SLC7A11: variants seen among roughly 807,000 people sequenced by gnomAD.
SLC7A11 encodes solute carrier family 7 member 11, also known as cystine/glutamate transporter.
In SLC7A11, 35 loss-of-function variants were observed where a neutral mutation model predicts 54.5. The ratio of observed to expected loss-of-function variants is 0.64; its 90% CI spans 0.49 to 0.85. The LOEUF (loss-of-function observed/expected upper bound fraction) is 0.85. Among genes scored for constraint, SLC7A11 ranks in the 40% least tolerant of loss-of-function variants. The pLI is 0.00. For synonymous variants in SLC7A11, 230 were observed against 225.2 expected (o/e 1.02, Z -0.19); for missense variants, 583 against 618.1 (o/e 0.94, Z 0.60).
Position 138,165,218 on chromosome 4 carries a change from A to T in SLC7A11, c.*6738T>A, listed in dbSNP as rs1736226444. ...AAATTCAGATATGCTTACAATAAAA[A>T]GACATAAAAGATTCATCCTGAGATG... On this transcript the variant is annotated 3_prime_UTR_variant, in exon 12 of 12. Coordinates refer to ENST00000280612, the MANE Select transcript of SLC7A11 (RefSeq NM_014331.4). 6.5e-6 allele frequency: 1 copy of T among 152,716 alleles called. No homozygotes were observed. The allele number at this position is 152,716 out of a possible 1,614,324, so 9.5% of individuals were successfully genotyped here. A position where few individuals can be genotyped will look rare whatever the true frequency, so the allele number is the denominator to read the frequency against.
At chr4:138,235,744 T>C (rs781057238) in intron 2 of SLC7A11, among the ~76,000 whole-genome samples, 11 of 152,338 alleles carry the variant, frequency 7.2e-5, no homozygotes, top group Admixed American at 2.0e-4. Context: ...AGCAGGAATG[T>C]AAACACATTG....
At chr4:138,214,529 A>T (rs1179824595) in intron 6 of SLC7A11, 56 bp downstream of exon 6, 6 of 1,023,966 alleles carry the variant, frequency 5.9e-6, no homozygotes, top group Non-Finnish European at 8.7e-6. Context: ...TTTTTAAACT[A>T]TGTAATCTTA....
intron 6 of SLC7A11, among the ~76,000 whole-genome samples, chr4:138,211,360 T>C (rs1393967974): frequency 6.6e-6 from 1 of 151,798 alleles, no homozygotes; most frequent in East Asian, 1.9e-4. Context: ...TATATCCATA[T>C]AACAAATAAA....
intron 6 of SLC7A11, among the ~76,000 whole-genome samples, chr4:138,195,368 A>G (rs1737106597): frequency 2.0e-5 from 3 of 152,206 alleles, no homozygotes. Flanking sequence ...CATTGCATTT[A>G]TTAACATTCT....
In SLC7A11 at chr4:138,214,631, T is replaced by C. The variant is rs750988815; in HGVS notation, c.747-2A>G. ...TCAGTAACAAAGTTGAGGTAAAACC[T>C]AAAAATAGATAAATAAATTATAAAC... On this transcript the variant is annotated splice_acceptor_variant, in intron 5 of 11. Transcript: ENST00000280612. LOFTEE classifies it high-confidence loss of function. The C allele has an allele frequency of 1.2e-5, 14 of 1,197,232 alleles. No homozygotes were observed. The highest frequency in any genetic ancestry group is 1.5e-5 in the Non-Finnish European group (13 of 856,420). 74.2% of individuals were successfully genotyped at this position (1,197,232 alleles called of 1,614,324 possible).
chr4:138,199,529 T>C (rs4863772), intron 6 of SLC7A11, among the ~76,000 whole-genome samples: 62,040 of 151,900 alleles, frequency 0.41, 13,598 homozygotes, highest in Middle Eastern at 0.6. Context: ...GTGTCCATTA[T>C]GAGAAATACT....
chr4:138,184,504 G>T (rs1160954454), intron 7 of SLC7A11, among the ~76,000 whole-genome samples: 1 of 152,016 alleles, frequency 6.6e-6, no homozygotes, highest in Non-Finnish European at 1.5e-5. Context: ...AATAAATTTT[G>T]GAAAATGCTA....
chr4:138,236,983 C>CTTTTTTTTT (rs34896335), intron 1 of SLC7A11, among the ~76,000 whole-genome samples: 4 of 111,920 alleles, frequency 3.6e-5, no homozygotes, highest in Non-Finnish European at 5.0e-5. Context: ...TGCAAGATTT[C>CTTTTTTTTT]TTTTTTTTTT....
intron 3 of SLC7A11, among the ~76,000 whole-genome samples, chr4:138,231,811 A>G (rs1385022423): frequency 6.6e-6 from 1 of 152,204 alleles, no homozygotes; most frequent in African/African-American, 2.4e-5. Context: ...CATGACCAAC[A>G]ACAGGCAGCT....
chr4:138,180,434 C>T (rs920053846), intron 10 of SLC7A11, among the ~76,000 whole-genome samples: 2 of 152,024 alleles, frequency 1.3e-5, no homozygotes, highest in African/African-American at 4.8e-5. Context: ...ATACAAAGTT[C>T]AAGCCCATCA....
intron 1 of SLC7A11, among the ~76,000 whole-genome samples, chr4:138,241,155 G>C (rs1738367985): frequency 6.6e-6 from 1 of 152,180 alleles, no homozygotes; most frequent in Admixed American, 6.5e-5. Flanking sequence ...ATTGAGAAGA[G>C]ATGAAAGGTT....
chr4:138,241,113 T>C (rs1031851347), intron 1 of SLC7A11, among the ~76,000 whole-genome samples: 1 of 152,014 alleles, frequency 6.6e-6, no homozygotes, highest in Non-Finnish European at 1.5e-5. Flanking sequence ...CCAACTGAAG[T>C]TTTAAAACTT....
intron 1 of SLC7A11, among the ~76,000 whole-genome samples, chr4:138,237,722 TATATATATATA>T (rs1289258112): frequency 2.9e-4 from 3 of 10,340 alleles, no homozygotes; most frequent in African/African-American, 6.4e-4. Flanking sequence ...TATATATATA[TATATATATATA>T]TATATTTTTT....
intron 3 of SLC7A11, among the ~76,000 whole-genome samples, chr4:138,230,292 A>C (rs966257475): frequency 2.6e-5 from 4 of 152,048 alleles, no homozygotes; most frequent in Admixed American, 6.6e-5. Context: ...AATCAGAAAA[A>C]AATAGCTTGG....
intron 7 of SLC7A11, among the ~76,000 whole-genome samples, chr4:138,184,165 C>T (rs1736818412): frequency 6.6e-6 from 1 of 152,126 alleles, no homozygotes; most frequent in Non-Finnish European, 1.5e-5. Context: ...GATGAGATGA[C>T]TGACCTGACT....
At chr4:138,209,120 A>C (rs1737480389) in intron 6 of SLC7A11, among the ~76,000 whole-genome samples, 1 of 152,030 alleles carries the variant, frequency 6.6e-6, no homozygotes. Flanking sequence ...ACTTACTCTG[A>C]ATTCTATATA....
At chr4:138,179,531 G>T in intron 10 of SLC7A11, 137 bp from the exon 11 acceptor site, 1 of 631,222 alleles carries the variant, frequency 1.6e-6, no homozygotes, top group Non-Finnish European at 2.8e-6. Context: ...GCACCAACGT[G>T]CCTTAGTAGC....
intron 3 of SLC7A11, among the ~76,000 whole-genome samples, chr4:138,228,424 T>C (rs754777101): frequency 1.3e-5 from 2 of 152,082 alleles, no homozygotes; most frequent in Non-Finnish European, 2.9e-5. Flanking sequence ...ATTGAATCTA[T>C]AAAAGCAGTG....
At position 138,214,155 on chromosome 4, in the gene SLC7A11, T is replaced by C. The variant is rs115791699; in HGVS notation, c.791+430A>G. Among the ~76,000 whole-genome samples, 884 of 152,150 alleles carry C rather than the reference T, an allele frequency of 5.8e-3. 10 individuals carry two copies. Among genetic ancestry groups the C allele is most frequent in the African/African-American group, 0.019 (809 of 41,528 alleles). ...TAGGCTTTTGTAACTAGTCGTCTAT[T>C]AATTACATTACTCACTTTAATTCGA... On this transcript the variant is annotated intron_variant, in intron 6 of 11. Transcript: ENST00000280612.
Sources: allele counts gnomAD v4.1 joint callset (sites outside exome capture counted in the v4.1 genomes callset), GRCh38; gene constraint gnomAD v4.1.1; transcripts MANE v1.5; gene names NCBI Gene and HGNC (gene_info 2026-07-23, HGNC 2026-07-21).